The following MGAT5 variants were observed in gnomAD, a reference collection of about 807,000 sequenced individuals.
The protein encoded by MGAT5 is alpha-1,6-mannosylglycoprotein 6-beta-N-acetylglucosaminyltransferase A.
Under a neutral mutation model 94.3 loss-of-function variants are expected in MGAT5, and 30 were observed. The observed-to-expected ratio is 0.32, with a 90% confidence interval of 0.24 to 0.43. MGAT5 has a LOEUF of 0.43. Among genes scored for constraint, MGAT5 ranks in the 20% least tolerant of loss-of-function variants. MGAT5 has a pLI of 1.00. For missense variants in MGAT5, 691 were observed against 905.5 expected, an observed-to-expected ratio of 0.76 and a Z score of 3.04; for synonymous variants, 310 against 322.9, an observed-to-expected ratio of 0.96 and a Z score of 0.43.
chr2:134,314,249 C>A (rs1686868400), intron 2 of MGAT5, among the ~76,000 whole-genome samples: 2 of 152,206 alleles, frequency 1.3e-5, no homozygotes, highest in Admixed American at 1.3e-4. Flanking sequence ...AGCCCCTTAT[C>A]TATTCATACC....
chr2:134,134,099 C>T (rs547411684), intron 1 of MGAT5, among the ~76,000 whole-genome samples: 151 of 152,198 alleles, frequency 9.9e-4, no homozygotes, highest in African/African-American at 3.4e-3. Context: ...AACAGGGAAG[C>T]GGGCCAAGGT....
In MGAT5 at chr2:134,338,261, G is replaced by A. The variant is rs138350444; in HGVS notation, c.648G>A (p.Ala216=). 2.0e-4 allele frequency: 308 copies of A among 1,573,650 alleles called. No homozygotes were observed. In the East Asian group the frequency reaches 5.2e-3, roughly 27 times the overall value. Residue 216 remains alanine (A), a splice_region_variant and synonymous_variant, in exon 6 of 16, where the codon GCG becomes GCA. Coordinates refer to ENST00000281923, the MANE Select transcript of MGAT5 (RefSeq NM_002410.5). ...PYEEADHNSL[A]EIRTDFNILY... ...TTTTATTAAATTTCTGTTGCTAGGC[G>A]GAAATTCGTACAGATTTTAATATTC...
chr2:134,220,741 CTG>C (rs1023537194), intron 1 of MGAT5, among the ~76,000 whole-genome samples: 4 of 152,158 alleles, frequency 2.6e-5, no homozygotes, highest in African/African-American at 7.2e-5. Context: ...TTGCTCTAGT[CTG>C]TGTGCTCGCT....
intron 4 of MGAT5, chr2:134,319,961 C>A (rs17783122): frequency 4.9e-6 from 1 of 205,666 alleles, no homozygotes; most frequent in Non-Finnish European, 1.0e-5. Flanking sequence ...TACTCTTGAA[C>A]GTGGGTAGTG....
At chr2:134,238,064 T>G (rs564379865) in intron 1 of MGAT5, among the ~76,000 whole-genome samples, 2 of 152,142 alleles carry the variant, frequency 1.3e-5, no homozygotes, top group South Asian at 4.1e-4. Context: ...TTTTTCTTTT[T>G]CTAGACTTGT....
intron 1 of MGAT5, among the ~76,000 whole-genome samples, chr2:134,124,203 G>A (rs969755700): frequency 3.3e-5 from 5 of 152,182 alleles, no homozygotes; most frequent in Non-Finnish European, 5.9e-5. Flanking sequence ...AATAGCTCTT[G>A]GAAAGCTGCC....
intron 10 of MGAT5, among the ~76,000 whole-genome samples, chr2:134,378,596 C>T (rs535021055): frequency 1.3e-5 from 2 of 150,082 alleles, no homozygotes; most frequent in East Asian, 4.0e-4. Flanking sequence ...TCATATACAA[C>T]TCACAGGGTT....
chr2:134,265,124 T>G (rs1313506809), intron 1 of MGAT5, among the ~76,000 whole-genome samples: 1 of 152,192 alleles, frequency 6.6e-6, no homozygotes, highest in Non-Finnish European at 1.5e-5. Flanking sequence ...ACCACTGCTT[T>G]AGAAGCATGT....
At chr2:134,372,282 C>T (rs1489800328) in intron 10 of MGAT5, among the ~76,000 whole-genome samples, 1 of 152,216 alleles carries the variant, frequency 6.6e-6, no homozygotes, top group African/African-American at 2.4e-5. Flanking sequence ...CTTTGCTTCC[C>T]AGTACAGCTG....
chr2:134,123,152 A>G (rs1290401383), intron 1 of MGAT5, among the ~76,000 whole-genome samples: 3 of 152,202 alleles, frequency 2.0e-5, no homozygotes, highest in Admixed American at 2.0e-4. Flanking sequence ...TTTTAAAATA[A>G]GCAACTTACC....
intron 2 of MGAT5, among the ~76,000 whole-genome samples, chr2:134,303,599 T>G (rs1686159630): frequency 6.6e-6 from 1 of 152,152 alleles, no homozygotes; most frequent in Non-Finnish European, 1.5e-5. Context: ...ATGTTGACCC[T>G]TTGACTTTTT....
chr2:134,246,993 G>T lies in MGAT5; in HGVS notation c.-142-7269G>T, dbSNP rs1003642980. ...TGGTGAGCACAAAACCAGGAGTTTGGTAAGAGGTTGTGCAGTCAATGCAAG... is the reference window on the plus strand; with the variant it reads ...TGGTGAGCACAAAACCAGGAGTTTGTTAAGAGGTTGTGCAGTCAATGCAAG... On this transcript the variant is annotated intron_variant, in intron 1 of 16. Transcript: ENST00000409645. Among the ~76,000 whole-genome samples, 3 of 152,208 alleles carry T rather than the reference G, an allele frequency of 2.0e-5. No homozygotes were observed. The South Asian group carries it at 6.2e-4, about 31-fold the overall frequency.
chr2:134,188,141 T>C (rs1224471546), intron 1 of MGAT5, among the ~76,000 whole-genome samples: 1 of 152,260 alleles, frequency 6.6e-6, no homozygotes, highest in African/African-American at 2.4e-5. Flanking sequence ...TCTCCTGAGC[T>C]GCAGTCAAAG....
intron 1 of MGAT5, among the ~76,000 whole-genome samples, chr2:134,185,596 T>A (rs1451743396): frequency 1.3e-5 from 2 of 152,242 alleles, no homozygotes; most frequent in African/African-American, 4.8e-5. Context: ...AATTTTGATA[T>A]AAGTGCTTAA....
intron 1 of MGAT5, among the ~76,000 whole-genome samples, chr2:134,193,536 A>T (rs950708552): frequency 6.6e-6 from 1 of 152,190 alleles, no homozygotes; most frequent in Admixed American, 6.5e-5. Context: ...CCTTGTGCCC[A>T]GGCGGTGGTG....
rs148826059 is a variant in MGAT5 at position 134,121,164 on chromosome 2, C to T, written c.-143+873C>T. On this transcript the variant is annotated intron_variant, in intron 1 of 16. Transcript: ENST00000409645. ...CGCGCCCCTGGCCCCTGCCTCGCCTCAGTTGAGCTACGCGCACTGCTCTCC... is the reference window on the plus strand; with the variant it reads ...CGCGCCCCTGGCCCCTGCCTCGCCTTAGTTGAGCTACGCGCACTGCTCTCC... Among the ~76,000 whole-genome samples, 1,461 of 152,314 alleles carry T rather than the reference C, an allele frequency of 9.6e-3. 26 individuals are homozygous for T. Among genetic ancestry groups the T allele is most frequent in the African/African-American group, 0.031 (1,304 of 41,580 alleles).
At chr2:134,246,675 A>G (rs573385398) in intron 1 of MGAT5, among the ~76,000 whole-genome samples, 1 of 152,330 alleles carries the variant, frequency 6.6e-6, no homozygotes, top group East Asian at 1.9e-4. Flanking sequence ...TTTGTGTTCC[A>G]TACGGAGAGG....
At chr2:134,373,430 T>C (rs1680945932) in intron 10 of MGAT5, among the ~76,000 whole-genome samples, 1 of 152,210 alleles carries the variant, frequency 6.6e-6, no homozygotes, top group Non-Finnish European at 1.5e-5. Flanking sequence ...TGCCTCTGAA[T>C]TTGAAACAGT....
upstream of MGAT5, chr2:134,253,049 C>T (rs529365314): frequency 6.6e-6 from 1 of 152,280 alleles, no homozygotes; most frequent in Admixed American, 6.5e-5. Flanking sequence ...GTCACAATAT[C>T]TGGGATATAG....
Sources: allele counts gnomAD v4.1 joint callset (sites outside exome capture counted in the v4.1 genomes callset), GRCh38; gene constraint gnomAD v4.1.1; transcripts MANE v1.5; gene names NCBI Gene and HGNC (gene_info 2026-07-23, HGNC 2026-07-21).